Variants in NLGN1 observed in about 807,000 individuals in gnomAD.
The protein encoded by NLGN1 is neuroligin-1.
A neutral mutation model predicts 65.5 loss-of-function variants in NLGN1; 12 were observed. That is an observed-to-expected ratio of 0.18 (90% CI 0.12 to 0.30). The LOEUF (loss-of-function observed/expected upper bound fraction) is 0.30. Among genes scored for constraint, NLGN1 ranks in the 10% least tolerant of loss-of-function variants. The probability of loss-of-function intolerance (pLI) is 1.00; values close to 1 mark genes in which losing one functional copy is unlikely to be tolerated. For missense variants in NLGN1, 750 were observed against 1,007.1 expected (o/e 0.74, Z 3.46); for synonymous variants, 350 against 359.5 (o/e 0.97, Z 0.30).
intron 4 of NLGN1, among the ~76,000 whole-genome samples, chr3:174,213,332 T>G (rs1256993661): frequency 1.3e-5 from 2 of 152,164 alleles, no homozygotes; most frequent in Non-Finnish European, 2.9e-5. Context: ...TTCTGAAAAT[T>G]AAAAATAGGA....
At chr3:174,028,385 G>T (rs1381033100) in intron 4 of NLGN1, among the ~76,000 whole-genome samples, 1 of 152,202 alleles carries the variant, frequency 6.6e-6, no homozygotes, top group Non-Finnish European at 1.5e-5. Context: ...AATGGTCTCA[G>T]ATGGACATGA....
At chr3:173,913,434 G>C (rs1740041859) in intron 4 of NLGN1, among the ~76,000 whole-genome samples, 1 of 152,154 alleles carries the variant, frequency 6.6e-6, no homozygotes, top group South Asian at 2.1e-4. Flanking sequence ...CAGGAACTAA[G>C]AGCCAAAGGA....
At chr3:173,963,951 T>C (rs143872415) in intron 4 of NLGN1, among the ~76,000 whole-genome samples, 2 of 151,990 alleles carry the variant, frequency 1.3e-5, no homozygotes, top group Non-Finnish European at 2.9e-5. Context: ...TAGCTAGAAA[T>C]CAAGAAAACA....
At chr3:173,631,308 T>C (rs971469145) in intron 3 of NLGN1, among the ~76,000 whole-genome samples, 7 of 152,156 alleles carry the variant, frequency 4.6e-5, no homozygotes, top group African/African-American at 1.7e-4. Flanking sequence ...CCTTTCTAAG[T>C]GTAGATTATA....
intron 2 of NLGN1, among the ~76,000 whole-genome samples, chr3:173,559,157 CCTTAAAATCAAAGGTG>C (rs1487976960): frequency 6.6e-6 from 1 of 152,126 alleles, no homozygotes; most frequent in Non-Finnish European, 1.5e-5. Flanking sequence ...TCTAGTAAAG[CCTTAAAATCAAAGGTG>C]CTTGGAATAC....
At chr3:173,695,578 GCTAA>G (rs1035193832) in intron 3 of NLGN1, 9 of 332,412 alleles carry the variant, frequency 2.7e-5, no homozygotes, top group African/African-American at 6.6e-5. Context: ...ATACTAGCAT[GCTAA>G]CTATTAAATA....
At chr3:173,516,481 T>A (rs1733839816) in intron 2 of NLGN1, among the ~76,000 whole-genome samples, 1 of 152,044 alleles carries the variant, frequency 6.6e-6, no homozygotes, top group Non-Finnish European at 1.5e-5. Context: ...GGTATATCAC[T>A]CCTCTTGAAC....
intron 2 of NLGN1, among the ~76,000 whole-genome samples, chr3:173,499,153 G>A (rs950648174): frequency 2.6e-5 from 4 of 151,610 alleles, no homozygotes; most frequent in African/African-American, 9.8e-5. Context: ...GAATGGTATT[G>A]CCTAGGTTTT....
At chr3:173,573,352 T>A (rs1744956118) in intron 2 of NLGN1, among the ~76,000 whole-genome samples, 1 of 151,994 alleles carries the variant, frequency 6.6e-6, no homozygotes, top group South Asian at 2.1e-4. Flanking sequence ...CAAATGAGAG[T>A]TGATATTATT....
intron 4 of NLGN1, among the ~76,000 whole-genome samples, chr3:174,103,251 T>A (rs1213388567): frequency 3.9e-5 from 6 of 152,268 alleles, no homozygotes; most frequent in Non-Finnish European, 7.4e-5. Context: ...ATAAAACCAA[T>A]TAGAGATAAG....
chr3:173,618,049 T>C (rs1035466099), intron 3 of NLGN1, among the ~76,000 whole-genome samples: 6 of 152,152 alleles, frequency 3.9e-5, no homozygotes, highest in Admixed American at 3.9e-4. Context: ...TAAGAAGAGG[T>C]CGAATTGTAT....
chr3:174,202,135 G>C (rs549362532), intron 4 of NLGN1, among the ~76,000 whole-genome samples: 2 of 151,502 alleles, frequency 1.3e-5, no homozygotes, highest in African/African-American at 4.9e-5. Context: ...ATCCCTCTCC[G>C]TTGAAATGTG....
intron 4 of NLGN1, 50 bp from the exon 5 acceptor site, chr3:174,275,265 A>G (rs759941735): frequency 1.2e-5 from 17 of 1,379,208 alleles, no homozygotes; most frequent in Admixed American, 1.2e-4. Flanking sequence ...TTTGATGTCT[A>G]TTTGATTCAC....
chr3:173,536,943 C>T (rs1174038356), intron 2 of NLGN1, among the ~76,000 whole-genome samples: 1 of 152,170 alleles, frequency 6.6e-6, no homozygotes, highest in African/African-American at 2.4e-5. Flanking sequence ...AATTTCCAGT[C>T]TGAGTCTGAG....
At chr3:174,079,903 G>A (rs1003836987) in intron 4 of NLGN1, among the ~76,000 whole-genome samples, 1 of 152,136 alleles carries the variant, frequency 6.6e-6, no homozygotes, top group Non-Finnish European at 1.5e-5. Context: ...AGGATGGAAG[G>A]AGGGAAAGGA....
chr3:173,823,371 C>T (rs1372429801), intron 4 of NLGN1, among the ~76,000 whole-genome samples: 3 of 151,942 alleles, frequency 2.0e-5, no homozygotes, highest in Admixed American at 6.6e-5. Context: ...ATCTTTATTT[C>T]GTTCAAACTA....
intron 3 of NLGN1, among the ~76,000 whole-genome samples, chr3:173,669,922 G>T (rs1358679661): frequency 6.6e-6 from 1 of 152,082 alleles, no homozygotes; most frequent in Admixed American, 6.6e-5. Flanking sequence ...ATTATGTGAT[G>T]TAAGGTTTTA....
At chr3:174,073,719 C>T (rs1475243548) in intron 4 of NLGN1, among the ~76,000 whole-genome samples, 1 of 152,048 alleles carries the variant, frequency 6.6e-6, no homozygotes, top group African/African-American at 2.4e-5. Context: ...GTGATATCAC[C>T]AAAACTTCTG....
chr3:173,894,013 C>T (rs1369002289), intron 4 of NLGN1, among the ~76,000 whole-genome samples: 1 of 152,116 alleles, frequency 6.6e-6, no homozygotes, highest in African/African-American at 2.4e-5. Context: ...TTCACACTTT[C>T]CCTTACTCAC....
Sources: allele counts gnomAD v4.1 joint callset (sites outside exome capture counted in the v4.1 genomes callset), GRCh38; gene constraint gnomAD v4.1.1; transcripts MANE v1.5; gene names NCBI Gene and HGNC (gene_info 2026-07-23, HGNC 2026-07-21).